KRT6A: variants seen among roughly 807,000 people sequenced by gnomAD.
The protein encoded by KRT6A is keratin, type II cytoskeletal 6A.
A neutral mutation model predicts 48.6 loss-of-function variants in KRT6A; 28 were observed. That is an observed-to-expected ratio of 0.58 (90% CI 0.43 to 0.79). KRT6A has a LOEUF of 0.79. KRT6A is among the 30% of genes least tolerant of loss of function. The pLI, the probability that KRT6A is intolerant of heterozygous loss-of-function variation, is 0.00. For missense variants in KRT6A, 687 were observed against 724.3 expected (o/e 0.95, Z 0.59); for synonymous variants, 301 against 294.2 (o/e 1.02, Z -0.24).
In KRT6A at chr12:52,491,612, C is replaced by T. The variant is rs772751520; in HGVS notation, c.665G>A (p.Arg222Lys). 1 of 1,614,208 alleles carries T rather than the reference C, an allele frequency of 6.2e-7. No homozygotes were observed. The highest frequency in any genetic ancestry group is 2.2e-5 in the East Asian group (1 of 44,894). The change falls in exon 2 of 9, where the codon AGG becomes AAG. Residue 222 changes from arginine to lysine, a missense_variant. Arg to Lys is a conservative substitution (Grantham distance 26, BLOSUM62 2). Coordinates refer to ENST00000330722, the MANE Select transcript of KRT6A (RefSeq NM_005554.4). ...CCCGACAATGCTGTCCAGCTGCCTC[C>T]TGAGGTTGTTGATGTACTGCTCGAA... ...PLFEQYINNL[R>K]RQLDSIVGER...
Position 52,492,867 on chromosome 12 carries a change from T to C in KRT6A, c.322A>G (p.Ile108Val). The C allele has an allele frequency of 6.2e-7, 1 of 1,606,268 alleles. No individual in the cohort carries two copies. Among genetic ancestry groups the C allele is most frequent in the Non-Finnish European group, 8.5e-7 (1 of 1,176,854 alleles). ...SGFGFGGGAGIGFGLGGGAGL... is the reference protein window; with the variant it reads ...SGFGFGGGAGVGFGLGGGAGL... Reference sequence around the variant, plus strand: ...GCTCCACCACCCAGACCAAAGCCAATGCCGGCTCCACCACCGAAACCAAAT... The same window carrying C: ...GCTCCACCACCCAGACCAAAGCCAACGCCGGCTCCACCACCGAAACCAAAT... The change falls in exon 1 of 9, where the codon ATT becomes GTT. Residue 108 changes from isoleucine to valine, a missense_variant. Transcript: ENST00000330722.
chr12:52,489,095 C>T (rs1241124375), intron 6 of KRT6A, among the ~76,000 whole-genome samples: 1 of 152,156 alleles, frequency 6.6e-6, no homozygotes, highest in Non-Finnish European at 1.5e-5. Context: ...TTCTTATCTG[C>T]CCTTTTCTTT....
chr12:52,487,682 G>T lies in KRT6A; in HGVS notation c.*38C>A. ...GAGAGGGCTCTGCAGCCAGAGAGGG[G>T]CCTGAGGACTGTGGGACCGAGAGCT... On this transcript the variant is annotated 3_prime_UTR_variant, in exon 9 of 9. Coordinates refer to ENST00000330722, the MANE Select transcript of KRT6A (RefSeq NM_005554.4). The T allele has an allele frequency of 6.2e-7, 1 of 1,613,648 alleles. No individual in the cohort carries two copies.
In KRT6A at chr12:52,487,921, G is replaced by T. The variant is rs374239834; in HGVS notation, c.1494C>A (p.Gly498=). Residue 498 remains glycine (G), a synonymous_variant, in exon 9 of 9, where the codon GGC becomes GGA. Coordinates refer to ENST00000330722, the MANE Select transcript of KRT6A (RefSeq NM_005554.4). ...AGCCACTGCCGACACCACTGGCACC[G>T]CCATAGCCACTGGAGACGGTGGACT... is the stretch of plus-strand genomic sequence containing the variant. ...VVQSTVSSGY[G]GASGVGSGLG... The T allele has an allele frequency of 5.6e-6, 9 of 1,614,116 alleles. No homozygotes were observed. The South Asian group carries it at 9.9e-5, about 18-fold the overall frequency.
chr12:52,493,100 C>A lies in KRT6A; in HGVS notation c.89G>T (p.Arg30Leu), dbSNP rs1308335675. 1.9e-6 allele frequency: 3 copies of A among 1,613,824 alleles called. No individual in the cohort carries two copies. Among genetic ancestry groups the A allele is most frequent in the Non-Finnish European group, 1.7e-6 (2 of 1,180,056 alleles). ...CACGGAGACGCTGCTGAAGCCAGAGCGGCTGACCCCAGGGAGCCTGGCTGA... is the reference window on the plus strand; with the variant it reads ...CACGGAGACGCTGCTGAAGCCAGAGAGGCTGACCCCAGGGAGCCTGGCTGA... ...ANSARLPGVS[R>L]SGFSSVSVSR... Residue 30 changes from arginine (R) to leucine (L), a missense_variant, in exon 1 of 9, where the codon CGC (arginine) becomes CTC (leucine). Physicochemically the swap from Arg to Leu is moderately radical, Grantham distance 102 (BLOSUM62 -2). Around this residue, in one of 3 missense-constraint regions of KRT6A, gnomAD observed 72 missense variants for 61.8 expected, o/e 1.17. Transcript: ENST00000330722.
intron 1 of KRT6A, 146 bp downstream of exon 1, chr12:52,492,503 G>C (rs1181300760): frequency 9.8e-6 from 14 of 1,430,388 alleles, no homozygotes; most frequent in Non-Finnish European, 1.4e-5. Flanking sequence ...CCTGCTGCTT[G>C]CTGGGCACCA....
intron 5 of KRT6A, 103 bp downstream of exon 5, chr12:52,490,466 G>C: frequency 5.1e-6 from 8 of 1,559,830 alleles, no homozygotes; most frequent in Non-Finnish European, 7.1e-6. Context: ...CCTGTGAGAG[G>C]ACCCCAGCTT....
At chr12:52,491,426 G>A (rs1938259571) in intron 2 of KRT6A, 96 bp downstream of exon 2, 3 of 1,488,910 alleles carry the variant, frequency 2.0e-6, no homozygotes, top group Admixed American at 1.7e-5. Flanking sequence ...ACGGACATGG[G>A]TTGTTAGGAA....
chr12:52,490,037 T>A lies in KRT6A; in HGVS notation c.1109A>T (p.His370Leu). The A allele has an allele frequency of 1.2e-6, 2 of 1,614,080 alleles. No homozygotes were observed. Among genetic ancestry groups the A allele is most frequent in the Non-Finnish European group, 8.5e-7 (1 of 1,180,016 alleles). ...YEELQVTAGR[H>L]GDDLRNTKQE... is the part of the protein sequence containing the mutation. The stretch of plus-strand genomic sequence containing the variant: ...CTTGGTGTTGCGCAGGTCGTCCCCA[T>A]GTCTGCCTGCTGTGACCTGCAGCTC... Residue 370 changes from histidine (H) to leucine (L), a missense_variant, in exon 6 of 9, where the codon CAT (histidine) becomes CTT (leucine). This residue lies in a region of KRT6A where 566 missense variants were observed against 565.3 expected (regional missense o/e 1.00). Coordinates refer to ENST00000330722, the MANE Select transcript of KRT6A (RefSeq NM_005554.4).
In KRT6A at chr12:52,488,429, C is replaced by T. The variant is rs1265000016; in HGVS notation, c.1323G>A (p.Leu441=). 3.1e-6 allele frequency: 5 copies of T among 1,614,170 alleles called. No individual in the cohort carries two copies. In the Admixed American group the frequency reaches 6.7e-5, roughly 22 times the overall value. The change falls in exon 7 of 9, where the codon CTG becomes CTA. Residue 441 remains leucine, a synonymous_variant. Coordinates refer to ENST00000330722, the MANE Select transcript of KRT6A (RefSeq NM_005554.4). ...EDALQKAKQD[L]ARLLKEYQEL... is the part of the protein sequence containing the mutation. ...CCTGGTACTCCTTCAGCAGCCGGGC[C>T]AGGTCCTGCTTGGCCTTCTGCAGGG...
Position 52,492,773 on chromosome 12 carries a change from G to A in KRT6A, c.416C>T (p.Thr139Ile). The change falls in exon 1 of 9, where the codon ACC (threonine) becomes ATC (isoleucine). Residue 139 changes from threonine to isoleucine, a missense_variant. Thr to Ile is a moderately conservative substitution (Grantham distance 89, BLOSUM62 -1). Around this residue, in one of 3 missense-constraint regions of KRT6A, gnomAD observed 566 missense variants for 565.3 expected, o/e 1.00. Coordinates refer to ENST00000330722, the MANE Select transcript of KRT6A (RefSeq NM_005554.4). ...GGGAGTCAGGAGACTCTGGTTGACG[G>A]TGACCTCTTGGATGCCTCCAGGGGG... is the stretch of plus-strand genomic sequence containing the variant. ...VCPPGGIQEV[T>I]VNQSLLTPLN... 1 of 1,613,760 alleles carries A rather than the reference G, an allele frequency of 6.2e-7. No homozygotes were observed. Among genetic ancestry groups the A allele is most frequent in the East Asian group, 2.2e-5 (1 of 44,860 alleles).
At chr12:52,489,363 C>T (rs532345195) in intron 6 of KRT6A, among the ~76,000 whole-genome samples, 3 of 152,282 alleles carry the variant, frequency 2.0e-5, no homozygotes, top group African/African-American at 7.2e-5. Context: ...ACTGCAACCT[C>T]CACCTCCCAG....
chr12:52,491,306 G>A (rs1938257673), intron 2 of KRT6A, 134 bp from the exon 3 acceptor site: 18 of 1,544,728 alleles, frequency 1.2e-5, no homozygotes, highest in South Asian at 4.5e-5. Flanking sequence ...CCTAAGAGAC[G>A]ATTTTTGCTT....
intron 7 of KRT6A, 74 bp from the exon 8 acceptor site, chr12:52,488,177 G>A: frequency 2.5e-6 from 4 of 1,613,804 alleles, no homozygotes; most frequent in African/African-American, 2.7e-5. Context: ...GGCAGCCTCG[G>A]TGGGTGGAAG....
intron 6 of KRT6A, 145 bp downstream of exon 6, chr12:52,489,798 G>C: frequency 7.5e-7 from 1 of 1,328,314 alleles, no homozygotes; most frequent in Non-Finnish European, 1.1e-6. Flanking sequence ...CTCCTAAGCA[G>C]CAGGTACCCA....
In KRT6A at chr12:52,492,652, G is replaced by A. The variant is rs768279471; in HGVS notation, c.537C>T (p.Asp179=). The A allele has an allele frequency of 1.9e-6, 3 of 1,613,912 alleles. No individual in the cohort carries two copies. The highest frequency in any genetic ancestry group is 3.3e-5 in the Admixed American group (2 of 60,000). The change falls in exon 1 of 9, where the codon GAC becomes GAT. Residue 179 remains aspartate (D), a synonymous_variant. Coordinates refer to ENST00000330722, the MANE Select transcript of KRT6A (RefSeq NM_005554.4). ...TLNNKFASFI[D]KVRFLEQQNK... is the part of the protein sequence containing the mutation. ...GGAGGGCATGGCACTGGCTCACCTT[G>A]TCGATGAAGGAGGCAAACTTGTTGT...
chr12:52,489,392 C>T (rs1178715889), intron 6 of KRT6A, among the ~76,000 whole-genome samples: 3 of 152,166 alleles, frequency 2.0e-5, no homozygotes, highest in African/African-American at 4.8e-5. Flanking sequence ...GATTCTCCTG[C>T]TTCAGTCTCC....
intron 6 of KRT6A, 181 bp downstream of exon 6, chr12:52,489,762 T>C (rs932857292): frequency 1.0e-6 from 1 of 997,742 alleles, no homozygotes; most frequent in African/African-American, 1.6e-5. Flanking sequence ...CATGTGTTTG[T>C]GTCATGCCAT....
intron 6 of KRT6A, 122 bp downstream of exon 6, chr12:52,489,821 A>G: frequency 6.5e-7 from 1 of 1,531,106 alleles, no homozygotes; most frequent in Non-Finnish European, 8.9e-7. Flanking sequence ...AAGGGTAGGA[A>G]ATGATAGCCT....
Sources: gnomAD v4.1 joint callset for allele counts (sites outside exome capture counted in the v4.1 genomes callset) on GRCh38, gnomAD v4.1.1 for gene constraint, gnomAD v4.1.1 regional missense constraint, MANE v1.5 for transcripts, NCBI Gene and HGNC (gene_info 2026-07-23, HGNC 2026-07-21) for gene names.